WBP1L: variants seen among roughly 807,000 people sequenced by gnomAD.
WBP1L encodes the protein WW domain binding protein 1 like.
WBP1L carries 17 observed loss-of-function variants against 33.7 expected under a neutral mutation model. The ratio of observed to expected loss-of-function variants is 0.50; its 90% CI spans 0.34 to 0.76. WBP1L has a LOEUF of 0.76. WBP1L is among the 30% of genes least tolerant of loss of function. WBP1L has a pLI of 0.01. For synonymous variants in WBP1L, 173 were observed against 190.8 expected (o/e 0.91, Z 0.77); for missense variants, 389 against 469.4 (o/e 0.83, Z 1.58).
chr10:102,757,391 G>T (rs1391736707), intron 1 of WBP1L, among the ~76,000 whole-genome samples: 1 of 152,152 alleles, frequency 6.6e-6, no homozygotes, highest in Admixed American at 6.5e-5. Context: ...CCGCCAAGGC[G>T]GATGGGCACT....
chr10:102,782,964 C>T (rs532989816), intron 1 of WBP1L, among the ~76,000 whole-genome samples: 1 of 152,264 alleles, frequency 6.6e-6, no homozygotes, highest in Admixed American at 6.5e-5. Context: ...AAGGATCTCC[C>T]AACTGTGATG....
chr10:102,770,215 T>A (rs548786519), intron 1 of WBP1L, among the ~76,000 whole-genome samples: 1 of 152,300 alleles, frequency 6.6e-6, no homozygotes, highest in South Asian at 2.1e-4. Flanking sequence ...GTGACACTCA[T>A]GTTGGTTTGA....
At chr10:102,802,150 T>TTG (rs1564768431) in intron 2 of WBP1L, among the ~76,000 whole-genome samples, 1 of 124,140 alleles carries the variant, frequency 8.1e-6, no homozygotes, top group African/African-American at 3.1e-5. Flanking sequence ...CTTCCTCTTT[T>TTG]TGTGTGTGTG....
chr10:102,747,598 A>G (rs2134022700), intron 1 of WBP1L, among the ~76,000 whole-genome samples: 1 of 152,110 alleles, frequency 6.6e-6, no homozygotes, highest in East Asian at 1.9e-4. Context: ...GTGATCTTGG[A>G]TCACTGCAGC....
intron 1 of WBP1L, among the ~76,000 whole-genome samples, chr10:102,782,694 T>G (rs1298272900): frequency 6.6e-6 from 1 of 152,068 alleles, no homozygotes; most frequent in Non-Finnish European, 1.5e-5. Flanking sequence ...CACCTGAACT[T>G]GAACCCCAGA....
chr10:102,761,561 A>G (rs546173047), intron 1 of WBP1L, among the ~76,000 whole-genome samples: 3 of 151,652 alleles, frequency 2.0e-5, no homozygotes, highest in Non-Finnish European at 4.4e-5. Flanking sequence ...GGTTCAAGTG[A>G]GTCTCCTGCC....
At chr10:102,756,489 G>A (rs2482499) in intron 1 of WBP1L, among the ~76,000 whole-genome samples, 41,955 of 151,726 alleles carry the variant, frequency 0.28, 6,094 homozygotes, top group Admixed American at 0.3. Flanking sequence ...AATATACTGT[G>A]GACTAATTTC....
chr10:102,750,068 G>A (rs1015856296), intron 1 of WBP1L, among the ~76,000 whole-genome samples: 8 of 151,428 alleles, frequency 5.3e-5, no homozygotes, highest in Non-Finnish European at 1.0e-4. Context: ...AGGCGTTAGC[G>A]ACCACGCCTG....
intron 1 of WBP1L, among the ~76,000 whole-genome samples, chr10:102,775,010 G>C (rs1380023326): frequency 1.3e-5 from 2 of 150,894 alleles, no homozygotes; most frequent in Admixed American, 6.6e-5. Context: ...AGCTCCTTGG[G>C]AGGCTGAGGT....
chr10:102,790,659 C>T (rs575284801), intron 1 of WBP1L, among the ~76,000 whole-genome samples: 4 of 152,012 alleles, frequency 2.6e-5, no homozygotes, highest in African/African-American at 9.6e-5. Flanking sequence ...TACAGGCGCC[C>T]GCCACCACGC....
chr10:102,811,392 TG>T (rs1843841068), intron 3 of WBP1L, among the ~76,000 whole-genome samples: 3 of 152,214 alleles, frequency 2.0e-5, no homozygotes, highest in Non-Finnish European at 4.4e-5. Context: ...CGGACTTCCC[TG>T]GGGCTCCTTA....
intron 1 of WBP1L, among the ~76,000 whole-genome samples, chr10:102,779,286 G>A (rs564997794): frequency 5.2e-4 from 79 of 151,006 alleles, no homozygotes; most frequent in African/African-American, 1.8e-3. Flanking sequence ...CGACAAGAGC[G>A]AGACTCCATT....
chr10:102,748,190 A>G (rs984484247), intron 1 of WBP1L, among the ~76,000 whole-genome samples: 8 of 151,816 alleles, frequency 5.3e-5, no homozygotes, highest in African/African-American at 1.9e-4. Context: ...TGGGAGGCGG[A>G]GCTTGCAGTG....
intron 1 of WBP1L, among the ~76,000 whole-genome samples, chr10:102,765,855 CAG>C (rs1001291557): frequency 6.6e-6 from 1 of 152,162 alleles, no homozygotes; most frequent in African/African-American, 2.4e-5. Flanking sequence ...TCTAAGGACT[CAG>C]AGAGAGTTGA....
intron 1 of WBP1L, among the ~76,000 whole-genome samples, chr10:102,795,692 G>A (rs1472867908): frequency 6.6e-6 from 1 of 152,242 alleles, no homozygotes; most frequent in East Asian, 1.9e-4. Flanking sequence ...TGTGCCAAGT[G>A]TAGGCACCAC....
chr10:102,751,911 AT>A (rs1390194552), intron 1 of WBP1L, among the ~76,000 whole-genome samples: 1 of 152,250 alleles, frequency 6.6e-6, no homozygotes, highest in African/African-American at 2.4e-5. Context: ...ATATTCAATG[AT>A]TAATAAGTAT....
chr10:102,797,957 C>A (rs1488965557), intron 1 of WBP1L, 36 bp from the exon 2 acceptor site: 2 of 1,572,136 alleles, frequency 1.3e-6, no homozygotes, highest in South Asian at 2.2e-5. Flanking sequence ...CAAAAGCTGT[C>A]ATTTAATATG....
rs1377250334 is a variant in WBP1L, at chr10:102,813,975, C to T, written c.*644C>T. 1 of 152,308 alleles carries T rather than the reference C, an allele frequency of 6.6e-6. No homozygotes were observed. Among genetic ancestry groups the T allele is most frequent in the Non-Finnish European group, 1.5e-5 (1 of 68,122 alleles). The allele number at this position is 152,308 out of a possible 1,614,324, so 9.4% of individuals were successfully genotyped here. A position where few individuals can be genotyped will look rare whatever the true frequency, so the allele number is the denominator to read the frequency against. On this transcript the variant is annotated 3_prime_UTR_variant, in exon 4 of 4. Transcript: ENST00000448841. ...CCCATGCGTCCTTGAGGGGCCTCTT[C>T]CCCGCAGGCTCTGGCTGGCCGCAGG...
chr10:102,782,214 CTTTTTTT>C (rs397961661), intron 1 of WBP1L, among the ~76,000 whole-genome samples: 1 of 49,154 alleles, frequency 2.0e-5, no homozygotes, highest in East Asian at 8.2e-4. Flanking sequence ...AAAGAAGCTG[CTTTTTTT>C]TTTTTTTTTT....
Sources: gnomAD v4.1 joint callset for allele counts (sites outside exome capture counted in the v4.1 genomes callset) on GRCh38, gnomAD v4.1.1 for gene constraint, MANE v1.5 for transcripts, NCBI Gene and HGNC (gene_info 2026-07-23, HGNC 2026-07-21) for gene names.